The following FOXK2 variants were observed in gnomAD, a reference collection of about 807,000 sequenced individuals.
The protein encoded by FOXK2 is forkhead box K2, also known as forkhead box protein K2.
Under a neutral mutation model 53.3 loss-of-function variants are expected in FOXK2, and 24 were observed. The ratio of observed to expected loss-of-function variants is 0.45; its 90% CI spans 0.33 to 0.63. FOXK2 has a LOEUF of 0.63. FOXK2 is among the 30% of genes least tolerant of loss of function. The probability of loss-of-function intolerance (pLI) is 0.03; values close to 1 mark genes in which losing one functional copy is unlikely to be tolerated. For missense variants in FOXK2, 952 were observed against 910.5 expected, an observed-to-expected ratio of 1.05 and a Z score of -0.59; for synonymous variants, 505 against 407.1, an observed-to-expected ratio of 1.24 and a Z score of -2.89.
chr17:82,585,924 C>T lies in FOXK2; in HGVS notation c.1300C>T (p.Pro434Ser), dbSNP rs745559626. Residue 434 changes from proline to serine, a missense_variant, in exon 7 of 9, where the codon CCA becomes TCA. By Grantham distance (74) the Pro-to-Ser change is moderately conservative (BLOSUM62 -1). This residue lies in a region of FOXK2 where 551 missense variants were observed against 385.1 expected (regional missense o/e 1.43). Transcript: ENST00000335255. ...ACCAGGGTCACCTCTGTCCAGTCAG[C>T]CAGTCTTAATCACCGTCCAGCGGCA... is the stretch of plus-strand genomic sequence containing the variant. ...SAPGSPLSSQ[P>S]VLITVQRQLP... is the part of the protein sequence containing the mutation. The T allele has an allele frequency of 6.2e-7, 1 of 1,611,442 alleles. No individual in the cohort carries two copies. Among genetic ancestry groups the T allele is most frequent in the African/African-American group, 1.3e-5 (1 of 75,036 alleles).
intron 4 of FOXK2, among the ~76,000 whole-genome samples, chr17:82,579,815 A>C (rs35493344): frequency 1.3e-5 from 1 of 74,692 alleles, no homozygotes; most frequent in African/African-American, 6.0e-5. Context: ...TCTCCATGTC[A>C]CCCATGAAGT....
chr17:82,525,832 C>CT (rs758177545), intron 1 of FOXK2, among the ~76,000 whole-genome samples: 8 of 152,200 alleles, frequency 5.3e-5, no homozygotes, highest in Non-Finnish European at 8.8e-5. Context: ...CAAATGAACT[C>CT]TATCAGTTCT....
At chr17:82,564,667 T>G (rs2144117354) in intron 2 of FOXK2, among the ~76,000 whole-genome samples, 2 of 151,212 alleles carry the variant, frequency 1.3e-5, no homozygotes, top group Admixed American at 1.3e-4. Context: ...AAACATTTTT[T>G]CTTTATTTTT....
chr17:82,547,888 G>C (rs776065232), intron 1 of FOXK2, among the ~76,000 whole-genome samples: 19 of 152,146 alleles, frequency 1.2e-4, no homozygotes, highest in Non-Finnish European at 2.1e-4. Flanking sequence ...GAATATACTG[G>C]TGTTTGGCTC....
At chr17:82,601,143 G>A in intron 8 of FOXK2, 160 bp from the exon 9 acceptor site, 1 of 763,780 alleles carries the variant, frequency 1.3e-6, no homozygotes, top group Non-Finnish European at 2.1e-6. Flanking sequence ...GGTCTTGTGG[G>A]AGCCTCCGCG....
chr17:82,580,282 G>A (rs1444693327), intron 4 of FOXK2, among the ~76,000 whole-genome samples: 6 of 128,274 alleles, frequency 4.7e-5, no homozygotes, highest in Admixed American at 7.6e-5. Context: ...TCCCACACAT[G>A]GCCCAGCCCT....
chr17:82,520,858 C>T (rs2044354648), intron 1 of FOXK2, among the ~76,000 whole-genome samples: 1 of 152,160 alleles, frequency 6.6e-6, no homozygotes, highest in South Asian at 2.1e-4. Flanking sequence ...AATTGGAAGA[C>T]GCTTCAAGCA....
rs142672521 is a variant in FOXK2 at position 82,543,137 on chromosome 17, G to A, written c.420-20217G>A. Reference sequence around the variant, plus strand: ...AGGACATTTCCCACGTGGGGGTTTCGTTTGATACTGTGATTTTTGTCTTAA... The same window carrying A: ...AGGACATTTCCCACGTGGGGGTTTCATTTGATACTGTGATTTTTGTCTTAA... On this transcript the variant is annotated intron_variant, in intron 1 of 8. Coordinates refer to ENST00000335255, the MANE Select transcript of FOXK2 (RefSeq NM_004514.4). 4.8e-3 allele frequency among the ~76,000 whole-genome samples: 727 copies of A among 152,114 alleles called. 5 individuals are homozygous for A. The highest frequency in any genetic ancestry group is 0.031 in the Middle Eastern group (9 of 294).
At chr17:82,587,407 G>T (rs775238497) in intron 8 of FOXK2, 135 bp downstream of exon 8, 17 of 723,634 alleles carry the variant, frequency 2.3e-5, no homozygotes, top group Non-Finnish European at 4.0e-5. Context: ...GAAGCTGCAG[G>T]AAATCTAGTC....
chr17:82,523,085 G>A (rs556560388), intron 1 of FOXK2, among the ~76,000 whole-genome samples: 3 of 152,262 alleles, frequency 2.0e-5, no homozygotes, highest in South Asian at 2.1e-4. Context: ...GAGCCACCAC[G>A]CCTGGCCGAA....
At chr17:82,525,804 G>T (rs185791571) in intron 1 of FOXK2, among the ~76,000 whole-genome samples, 13 of 152,296 alleles carry the variant, frequency 8.5e-5, no homozygotes, top group African/African-American at 1.2e-4. Flanking sequence ...ATTTAGAAGA[G>T]TGACCCCTGT....
intron 8 of FOXK2, among the ~76,000 whole-genome samples, chr17:82,591,353 T>C (rs2045251333): frequency 6.6e-6 from 1 of 152,096 alleles, no homozygotes; most frequent in Non-Finnish European, 1.5e-5. Context: ...CCTGGTCCCG[T>C]TGTCGCCGTT....
chr17:82,577,109 C>T lies in FOXK2; in HGVS notation c.909+5239C>T, dbSNP rs1598222624. On this transcript the variant is annotated intron_variant, in intron 4 of 8. Transcript: ENST00000335255. Reference sequence around the variant, plus strand: ...CCCACATGGCGGAGACTGCGGTGAGCTGATACCGCGTCATTGCACTCCAGC... The same window carrying T: ...CCCACATGGCGGAGACTGCGGTGAGTTGATACCGCGTCATTGCACTCCAGC... 1.1e-5 allele frequency: 6 copies of T among 533,034 alleles called. No homozygotes were observed. In the East Asian group the frequency reaches 2.1e-4, roughly 19 times the overall value. The allele number at this position is 533,034 out of a possible 1,614,324, so 33.0% of individuals were successfully genotyped here.
intron 4 of FOXK2, among the ~76,000 whole-genome samples, chr17:82,581,058 G>A (rs143735519): frequency 9.8e-4 from 150 of 152,358 alleles, no homozygotes; most frequent in African/African-American, 3.4e-3. Context: ...CACCTTTGAC[G>A]ATTTGAAATT....
chr17:82,563,284 A>G, intron 1 of FOXK2, 70 bp from the exon 2 acceptor site: 1 of 1,433,152 alleles, frequency 7.0e-7, no homozygotes, highest in South Asian at 1.3e-5. Context: ...TGTTGTGGGG[A>G]CATGTGGGGA....
chr17:82,560,838 C>G (rs2044785789), intron 1 of FOXK2, among the ~76,000 whole-genome samples: 3 of 152,108 alleles, frequency 2.0e-5, no homozygotes, highest in Non-Finnish European at 4.4e-5. Context: ...GCATGCGCCT[C>G]TAGTCCCAGC....
chr17:82,587,820 G>T (rs765374272), intron 8 of FOXK2, among the ~76,000 whole-genome samples: 4 of 152,210 alleles, frequency 2.6e-5, no homozygotes, highest in Non-Finnish European at 5.9e-5. Context: ...GGGAGTCCCT[G>T]CTGGCTGCCG....
At chr17:82,550,592 T>C (rs2044666877) in intron 1 of FOXK2, among the ~76,000 whole-genome samples, 1 of 142,788 alleles carries the variant, frequency 7.0e-6, no homozygotes, top group African/African-American at 2.6e-5. Context: ...AAGCTCCGCC[T>C]CCCGGGTTCA....
At chr17:82,546,747 G>A (rs1438181315) in intron 1 of FOXK2, among the ~76,000 whole-genome samples, 1 of 151,946 alleles carries the variant, frequency 6.6e-6, no homozygotes, top group Non-Finnish European at 1.5e-5. Flanking sequence ...GATAATAGGT[G>A]TAAGCCACTG....
Sources: allele counts gnomAD v4.1 joint callset (sites outside exome capture counted in the v4.1 genomes callset), GRCh38; gene constraint gnomAD v4.1.1; regional missense constraint gnomAD v4.1.1; transcripts MANE v1.5; gene names NCBI Gene and HGNC (gene_info 2026-07-23, HGNC 2026-07-21).